MPPED1: variants seen among roughly 807,000 people sequenced by gnomAD.
MPPED1 encodes the protein metallophosphoesterase domain containing 1.
A neutral mutation model predicts 36.2 loss-of-function variants in MPPED1; 16 were observed. The ratio of observed to expected loss-of-function variants is 0.44; its 90% CI spans 0.30 to 0.67. The LOEUF (loss-of-function observed/expected upper bound fraction) is 0.67, where lower values mean the gene tolerates loss of function less well. Among genes scored for constraint, MPPED1 ranks in the 30% least tolerant of loss-of-function variants. The pLI, the probability that MPPED1 is intolerant of heterozygous loss-of-function variation, is 0.10. For synonymous variants in MPPED1, 199 were observed against 191.3 expected (o/e 1.04, Z -0.33); for missense variants, 307 against 453.4 (o/e 0.68, Z 2.93).
In MPPED1 at chr22:43,502,199, C is replaced by T. The variant is rs967400696; in HGVS notation, c.749-445C>T. On this transcript the variant is annotated intron_variant, in intron 5 of 6. Transcript: ENST00000443721. This position sits in a 1 kb window ranked among gnomAD's most constrained non-coding sequence, Gnocchi z 5.5. Reference sequence around the variant, plus strand: ...CTGACATGGAAATCTCACTCCTGGGCTGTGTATCAGGACGCCCTGCTCTGC... The same window carrying T: ...CTGACATGGAAATCTCACTCCTGGGTTGTGTATCAGGACGCCCTGCTCTGC... Among the ~76,000 whole-genome samples, 1 of 152,130 alleles carries T rather than the reference C, an allele frequency of 6.6e-6. No homozygotes were observed. The highest frequency in any genetic ancestry group is 2.4e-5 in the African/African-American group (1 of 41,430).
At chr22:43,475,573 TGTGGTGGTG>T (rs1184288180) in intron 4 of MPPED1, among the ~76,000 whole-genome samples, 1 of 93,876 alleles carries the variant, frequency 1.1e-5, no homozygotes, top group Non-Finnish European at 2.1e-5. Context: ...TGATGATGGT[TGTGGTGGTG>T]GTGGTGGTGG....
chr22:43,437,049 A>G (rs1172696036), intron 3 of MPPED1, among the ~76,000 whole-genome samples: 1 of 152,214 alleles, frequency 6.6e-6, no homozygotes, highest in Non-Finnish European at 1.5e-5. Flanking sequence ...TGCAGATGTC[A>G]GGACCCTCAC....
At chr22:43,427,084 G>T (rs2146822462) in intron 2 of MPPED1, among the ~76,000 whole-genome samples, 1 of 152,328 alleles carries the variant, frequency 6.6e-6, no homozygotes, top group South Asian at 2.1e-4. Context: ...CTGCCCAGTG[G>T]GCAAGGAGAG....
chr22:43,455,963 C>A (rs1353251263), intron 3 of MPPED1, among the ~76,000 whole-genome samples: 1 of 152,174 alleles, frequency 6.6e-6, no homozygotes, highest in Non-Finnish European at 1.5e-5. Context: ...GGGCTGTGTT[C>A]CTTCTGGAGG....
intron 3 of MPPED1, 90 bp downstream of exon 3, chr22:43,435,305 C>T (rs1929919041): frequency 1.4e-6 from 2 of 1,409,672 alleles, no homozygotes; most frequent in Admixed American, 2.1e-5. Context: ...CCTTTCCCTC[C>T]TGCGCTGCCC....
chr22:43,474,035 C>T lies in MPPED1; in HGVS notation c.407-701C>T, dbSNP rs1931463174. Among the ~76,000 whole-genome samples, 1 of 152,162 alleles carries T rather than the reference C, an allele frequency of 6.6e-6. No individual in the cohort carries two copies. The highest frequency in any genetic ancestry group is 6.5e-5 in the Admixed American group (1 of 15,278). Reference sequence around the variant, plus strand: ...TTGTTTTGGCTTTGAATTTCCATGGCAGTAGGGGTGGGTACTATAATGTTT... The same window carrying T: ...TTGTTTTGGCTTTGAATTTCCATGGTAGTAGGGGTGGGTACTATAATGTTT... On this transcript the variant is annotated intron_variant, in intron 3 of 6. Coordinates refer to ENST00000443721, the MANE Select transcript of MPPED1 (RefSeq NM_001044370.2). This position sits in a 1 kb window ranked among gnomAD's most constrained non-coding sequence, Gnocchi z 5.2.
Position 43,502,872 on chromosome 22 carries a change from C to A in MPPED1, c.862+115C>A. 2.4e-6 allele frequency: 2 copies of A among 835,654 alleles called. No individual in the cohort carries two copies. Among genetic ancestry groups the A allele is most frequent in the South Asian group, 1.5e-5 (1 of 68,830 alleles). The allele number at this position is 835,654 out of a possible 1,614,324, so 51.8% of individuals were successfully genotyped here. A position where few individuals can be genotyped will look rare whatever the true frequency, so the allele number is the denominator to read the frequency against. On this transcript the variant is annotated intron_variant, in intron 6 of 6. Transcript: ENST00000443721. The surrounding 1 kb of genome is among the most constrained non-coding windows in gnomAD (Gnocchi z 5.5). ...AAATAAATAGCCCATTCCTACTGTT[C>A]GCTTTGTAACTGCTAACTGCCATAC...
chr22:43,436,051 C>T (rs1929947500), intron 3 of MPPED1, among the ~76,000 whole-genome samples: 2 of 152,206 alleles, frequency 1.3e-5, no homozygotes, highest in Admixed American at 1.3e-4. Context: ...CTTTCCCATG[C>T]ACTGCGCCAT....
intron 2 of MPPED1, among the ~76,000 whole-genome samples, chr22:43,429,633 GC>G (rs2146825343): frequency 6.6e-6 from 1 of 152,358 alleles, no homozygotes; most frequent in African/African-American, 2.4e-5. Flanking sequence ...TTCATTCTGT[GC>G]TGACACATTC....
intron 3 of MPPED1, among the ~76,000 whole-genome samples, chr22:43,448,925 A>G (rs1474132000): frequency 6.6e-6 from 1 of 152,046 alleles, no homozygotes; most frequent in Non-Finnish European, 1.5e-5. Flanking sequence ...ATAGCTAAGG[A>G]GACCTTTTGT....
At chr22:43,482,930 A>G (rs1051472655) in intron 4 of MPPED1, among the ~76,000 whole-genome samples, 6 of 152,232 alleles carry the variant, frequency 3.9e-5, no homozygotes, top group African/African-American at 1.2e-4. Context: ...GAAAGAGCTC[A>G]GGGCCAGGGG....
At chr22:43,458,526 C>T (rs907776520) in intron 3 of MPPED1, among the ~76,000 whole-genome samples, 10 of 152,190 alleles carry the variant, frequency 6.6e-5, no homozygotes, top group South Asian at 2.1e-4. Context: ...CCTCGTGATC[C>T]GCCCGCCTCA....
At chr22:43,453,605 C>T (rs1157428911) in intron 3 of MPPED1, among the ~76,000 whole-genome samples, 3 of 152,092 alleles carry the variant, frequency 2.0e-5, no homozygotes, top group Non-Finnish European at 4.4e-5. Context: ...ATCCCGAAAC[C>T]CCGTTGACTT....
chr22:43,471,801 G>A (rs5996343), intron 3 of MPPED1, among the ~76,000 whole-genome samples: 3,470 of 152,292 alleles, frequency 0.023, 67 homozygotes, highest in African/African-American at 0.045. Flanking sequence ...AAGCAAACAC[G>A]CCTGCATCCA....
chr22:43,505,437 C>T, intron 6 of MPPED1, 61 bp from the exon 7 acceptor site: 1 of 1,457,312 alleles, frequency 6.9e-7, no homozygotes, highest in African/African-American at 1.4e-5. Flanking sequence ...GACTGCCACA[C>T]CCCCCTGGCC....
At chr22:43,447,096 G>T (rs2146848841) in intron 3 of MPPED1, among the ~76,000 whole-genome samples, 1 of 152,278 alleles carries the variant, frequency 6.6e-6, no homozygotes, top group South Asian at 2.1e-4. Flanking sequence ...TTCTGCGGAT[G>T]AGAGAGGATG....
intron 5 of MPPED1, among the ~76,000 whole-genome samples, chr22:43,500,322 ATGGTGGTGG>A (rs1195470436): frequency 3.5e-4 from 7 of 20,214 alleles, no homozygotes; most frequent in East Asian, 2.1e-3. Context: ...GGAGGTGGTG[ATGGTGGTGG>A]TGGAGGTGGT....
At chr22:43,485,065 A>T (rs537337121) in intron 4 of MPPED1, among the ~76,000 whole-genome samples, 1 of 152,138 alleles carries the variant, frequency 6.6e-6, no homozygotes, top group African/African-American at 2.4e-5. Context: ...ATTCATGTAC[A>T]TGCACAGACA....
intron 3 of MPPED1, among the ~76,000 whole-genome samples, chr22:43,470,893 T>C (rs1334575149): frequency 6.6e-6 from 1 of 152,222 alleles, no homozygotes; most frequent in African/African-American, 2.4e-5. Context: ...ACAGTTTCTG[T>C]GTTCATAAGT....
Sources: allele counts gnomAD v4.1 joint callset (sites outside exome capture counted in the v4.1 genomes callset), GRCh38; gene constraint gnomAD v4.1.1; non-coding constraint Gnocchi (gnomAD v3.1); transcripts MANE v1.5; gene names NCBI Gene and HGNC (gene_info 2026-07-23, HGNC 2026-07-21).